PRSS27: variants seen among roughly 807,000 people sequenced by gnomAD.
The protein encoded by PRSS27 is serine protease 27, also known as channel-activating protease 2.
In PRSS27, 25 loss-of-function variants were observed where a neutral mutation model predicts 32.0. The observed-to-expected ratio is 0.78, with a 90% CI of 0.57 to 1.09. PRSS27 has a LOEUF of 1.09. Ranked by LOEUF, PRSS27 falls within the 50% of genes least tolerant of loss-of-function variation. The pLI is 0.00. For missense variants in PRSS27, 401 were observed against 394.9 expected (o/e 1.02, Z -0.13); for synonymous variants, 178 against 172.2 (o/e 1.03, Z -0.26).
chr16:2,716,451 C>T (rs565023798), intron 2 of PRSS27, 49 bp downstream of exon 2: 1 of 1,570,230 alleles, frequency 6.4e-7, no homozygotes, highest in Non-Finnish European at 8.7e-7. Context: ...GTCCCTGGCT[C>T]AGTCCAGCCG....
At chr16:2,716,691 C>T (rs931440047) in intron 1 of PRSS27, 165 bp from the exon 2 acceptor site, 2 of 683,606 alleles carry the variant, frequency 2.9e-6, no homozygotes, top group East Asian at 2.7e-5. Context: ...GTTTCCCCCC[C>T]AGGGCTGGCT....
chr16:2,719,832 G>A lies in PRSS27; in HGVS notation c.46+283C>T, dbSNP rs566228670. 1.7e-3 allele frequency among the ~76,000 whole-genome samples: 265 copies of A among 152,318 alleles called. 7 individuals carry two copies. Among genetic ancestry groups the A allele is most frequent in the Admixed American group, 0.016 (248 of 15,308 alleles). On this transcript the variant is annotated intron_variant, in intron 1 of 5. Coordinates refer to ENST00000302641, the MANE Select transcript of PRSS27 (RefSeq NM_031948.5). ...GAAGCAGGGAGCCTGGCCAGAGCTG[G>A]CACACCAGTGCCCGCGGAGAGGCAT... is the stretch of plus-strand genomic sequence containing the variant.
chr16:2,719,975 C>T, intron 1 of PRSS27, 140 bp downstream of exon 1: 1 of 799,792 alleles, frequency 1.3e-6, no homozygotes, highest in Non-Finnish European at 2.0e-6. Flanking sequence ...TTCCCACCTG[C>T]TCAGGGGCAG....
chr16:2,712,469 G>C lies in PRSS27; in HGVS notation c.*151C>G. The C allele has an allele frequency of 1.5e-6, 1 of 645,800 alleles. No homozygotes were observed. The highest frequency in any genetic ancestry group is 2.6e-6 in the Non-Finnish European group (1 of 391,730). 40.0% of individuals were successfully genotyped at this position (645,800 alleles called of 1,614,324 possible). ...TTGGGAGAAACATAAATAAAATAAG[G>C]GTATTTGAGAGGGGAGGAAGGAGCG... is the stretch of plus-strand genomic sequence containing the variant. On this transcript the variant is annotated 3_prime_UTR_variant, in exon 6 of 6. Transcript: ENST00000302641. The surrounding 1 kb of genome is among the most constrained non-coding windows in gnomAD (Gnocchi z 4.6).
At chr16:2,715,128 A>G (rs1313654228) in intron 3 of PRSS27, 2 of 151,594 alleles carry the variant, frequency 1.3e-5, no homozygotes, top group Admixed American at 1.3e-4. Context: ...AAGATCAAGA[A>G]GAAAAAAAAG....
chr16:2,719,278 G>T (rs943616432), intron 1 of PRSS27, among the ~76,000 whole-genome samples: 15 of 152,170 alleles, frequency 9.9e-5, no homozygotes, highest in Admixed American at 6.5e-5. Context: ...GGCATGGGGT[G>T]GGGGAGGCCG....
At position 2,717,029 on chromosome 16, in the gene PRSS27, C is replaced by T. The variant is rs2142067624; in HGVS notation, c.47-503G>A. The T allele has an allele frequency of 6.2e-6, 1 of 160,926 alleles. No homozygotes were observed. The highest frequency in any genetic ancestry group is 1.7e-4 in the East Asian group (1 of 5,724). 10.0% of individuals were successfully genotyped at this position (160,926 alleles called of 1,614,324 possible). On this transcript the variant is annotated intron_variant, in intron 1 of 5. Transcript: ENST00000302641. This position sits in a 1 kb window ranked among gnomAD's most constrained non-coding sequence, Gnocchi z 4.1. ...AGTCTGCTCCGGAATGAGCTCCTTC[C>T]CCAAGTCTCACTTTGGTCCCGAGGC...
At chr16:2,715,589 G>T in intron 3 of PRSS27, 129 bp downstream of exon 3, 1 of 661,386 alleles carries the variant, frequency 1.5e-6, no homozygotes, top group African/African-American at 1.9e-5. Context: ...GGTGGGAGGG[G>T]CTGGACCAGG....
chr16:2,715,689 TGGGCGGGGGCAG>T lies in PRSS27; in HGVS notation c.236+17_236+28del. ...CGCGCGCGGGGCGCTGTCAGCGCTA[TGGGCGGGGGCAG>T]GGGCGGGCGGACTCACTTGCGGAAG... is the stretch of plus-strand genomic sequence containing the variant. On this transcript the variant is annotated intron_variant, in intron 3 of 5. Transcript: ENST00000302641. 26 of 1,536,336 alleles carry T rather than the reference TGGGCGGGGGCAG, an allele frequency of 1.7e-5. No homozygotes were observed. The highest frequency in any genetic ancestry group is 2.2e-5 in the Non-Finnish European group (25 of 1,143,622).
rs768602318 is a variant in PRSS27 at position 2,714,260 on chromosome 16, C to A, written c.313G>T (p.Ala105Ser). The A allele has an allele frequency of 6.2e-7, 1 of 1,613,470 alleles. No individual in the cohort carries two copies. The highest frequency in any genetic ancestry group is 1.3e-5 in the African/African-American group (1 of 75,054). ...LVQPGPHAMY[A>S]RVRQVESNPL... is the part of the protein sequence containing the mutation. ...TTGCTCTCCACCTGCCTCACCCGGG[C>A]ATACATAGCGTGTGGTCCCGGCTGC... is the stretch of plus-strand genomic sequence containing the variant. The change falls in exon 4 of 6, where the codon GCC (alanine) becomes TCC (serine). Residue 105 changes from alanine (A) to serine (S), a missense_variant. Coordinates refer to ENST00000302641, the MANE Select transcript of PRSS27 (RefSeq NM_031948.5). The surrounding 1 kb of genome is among the most constrained non-coding windows in gnomAD (Gnocchi z 4.7).
In PRSS27 at chr16:2,713,708, G is replaced by A; in HGVS notation, c.509-10C>T. The stretch of plus-strand genomic sequence containing the variant: ...GGTTCGGGCAGGAGGTCTGGAGAGG[G>A]GCGGAACAGCCCAGGGCTCAACGGA... On this transcript the variant is annotated splice_polypyrimidine_tract_variant and intron_variant, in intron 4 of 5. Coordinates refer to ENST00000302641, the MANE Select transcript of PRSS27 (RefSeq NM_031948.5). 1.9e-6 allele frequency: 3 copies of A among 1,613,980 alleles called. No individual in the cohort carries two copies. The highest frequency in any genetic ancestry group is 2.5e-6 in the Non-Finnish European group (3 of 1,179,892).
At position 2,713,635 on chromosome 16, in the gene PRSS27, C is replaced by T. The variant is rs143092446; in HGVS notation, c.572G>A (p.Cys191Tyr). ...GGTGTCTTTGCTGTAGAGCAGGTTGCACTTGGGTGTGTCGATGATGGGCAC... is the reference window on the plus strand; with the variant it reads ...GGTGTCTTTGCTGTAGAGCAGGTTGTACTTGGGTGTGTCGATGATGGGCAC... ...LAVPIIDTPK[C>Y]NLLYSKDTEF... is the part of the protein sequence containing the mutation. Residue 191 changes from cysteine to tyrosine, a missense_variant, in exon 5 of 6, where the codon TGC becomes TAC. Physicochemically the swap from Cys to Tyr is radical, Grantham distance 194 (BLOSUM62 -2). Transcript: ENST00000302641. 2 of 1,614,100 alleles carry T rather than the reference C, an allele frequency of 1.2e-6. No individual in the cohort carries two copies. The highest frequency in any genetic ancestry group is 1.7e-6 in the Non-Finnish European group (2 of 1,180,054).
chr16:2,714,002 C>A lies in PRSS27; in HGVS notation c.508+63G>T. On this transcript the variant is annotated intron_variant, in intron 4 of 5. Coordinates refer to ENST00000302641, the MANE Select transcript of PRSS27 (RefSeq NM_031948.5). This position sits in a 1 kb window ranked among gnomAD's most constrained non-coding sequence, Gnocchi z 4.7. ...GGAAGATTGTGGGTTCAGAGTGGTC[C>A]CCAAGCCGTCCTGGGCCTTCTTGAG... 1 of 1,521,022 alleles carries A rather than the reference C, an allele frequency of 6.6e-7. No homozygotes were observed. The highest frequency in any genetic ancestry group is 8.9e-7 in the Non-Finnish European group (1 of 1,124,400). The allele number at this position is 1,521,022 out of a possible 1,614,324, so 94.2% of individuals were successfully genotyped here.
intron 1 of PRSS27, 84 bp from the exon 2 acceptor site, chr16:2,716,610 C>G: frequency 7.5e-7 from 1 of 1,337,804 alleles, no homozygotes; most frequent in East Asian, 2.4e-5. Context: ...TCCACTGACC[C>G]TCCCCAGCTC....
chr16:2,719,411 G>A (rs2067721484), intron 1 of PRSS27, among the ~76,000 whole-genome samples: 1 of 152,186 alleles, frequency 6.6e-6, no homozygotes, highest in Non-Finnish European at 1.5e-5. Flanking sequence ...ACAGGGAAGT[G>A]TGGTGGCTGC....
chr16:2,713,044 CA>C, intron 5 of PRSS27: 1 of 542,236 alleles, frequency 1.8e-6, no homozygotes. Context: ...TCTTGTGCCC[CA>C]CCCCAGACCC....
Position 2,713,683 on chromosome 16 carries a change from G to C in PRSS27, c.524C>G (p.Pro175Arg). The change falls in exon 5 of 6, where the codon CCG becomes CGG. Residue 175 changes from proline to arginine, a missense_variant. Pro to Arg is a moderately radical substitution (Grantham distance 103, BLOSUM62 -2). Coordinates refer to ENST00000302641, the MANE Select transcript of PRSS27 (RefSeq NM_031948.5). The stretch of plus-strand genomic sequence containing the variant: ...CACAGCGAGTTTCTGCAGGATCCGC[G>C]GTTCGGGCAGGAGGTCTGGAGAGGG... ...SPSEEDLLPE[P>R]RILQKLAVPI... 1 of 1,614,220 alleles carries C rather than the reference G, an allele frequency of 6.2e-7. No individual in the cohort carries two copies. Among genetic ancestry groups the C allele is most frequent in the Non-Finnish European group, 8.5e-7 (1 of 1,180,040 alleles).
At position 2,720,141 on chromosome 16, in the gene PRSS27, A is replaced by C. The variant is rs2142069526; in HGVS notation, c.20T>G (p.Val7Gly). The C allele has an allele frequency of 1.2e-6, 2 of 1,600,946 alleles. No individual in the cohort carries two copies. The highest frequency in any genetic ancestry group is 2.2e-5 in the South Asian group (2 of 89,174). Residue 7 changes from valine to glycine, a missense_variant, in exon 1 of 6, where the codon GTG becomes GGG. Transcript: ENST00000302641. MRRPAA[V>G]PLLLLLCFGS... The stretch of plus-strand genomic sequence containing the variant: ...AAAACACAGCAGCAGCAGGAGCGGC[A>C]CCGCCGCCGGCCGCCTCATGTCCTC...
intron 1 of PRSS27, 61 bp from the exon 2 acceptor site, chr16:2,716,587 C>T: frequency 6.7e-7 from 1 of 1,500,568 alleles, no homozygotes; most frequent in East Asian, 2.3e-5. Context: ...CCTCCCCAAC[C>T]CTGCAGCCCC....
Sources: allele counts gnomAD v4.1 joint callset (sites outside exome capture counted in the v4.1 genomes callset), GRCh38; gene constraint gnomAD v4.1.1; non-coding constraint Gnocchi (gnomAD v3.1); transcripts MANE v1.5; gene names NCBI Gene and HGNC (gene_info 2026-07-23, HGNC 2026-07-21).